Variants in CFAP70 observed in about 807,000 individuals in gnomAD.
CFAP70 encodes the protein cilia and flagella associated protein 70, also known as cilia- and flagella-associated protein 70.
A neutral mutation model predicts 137.6 loss-of-function variants in CFAP70; 81 were observed. The ratio of observed to expected loss-of-function variants is 0.59; its 90% CI spans 0.49 to 0.71. CFAP70 has a LOEUF of 0.71. Ranked by LOEUF, CFAP70 falls within the 30% of genes least tolerant of loss-of-function variation. CFAP70 has a pLI of 0.00. For synonymous variants in CFAP70, 382 were observed against 423.6 expected, an observed-to-expected ratio of 0.90 and a Z score of 1.20; for missense variants, 976 against 1,226.7, an observed-to-expected ratio of 0.80 and a Z score of 3.05.
intron 25 of CFAP70, among the ~76,000 whole-genome samples, chr10:73,266,600 T>C (rs1476694985): frequency 2.0e-5 from 3 of 152,190 alleles, no homozygotes; most frequent in East Asian, 1.9e-4. Context: ...AGTTTAGATT[T>C]TGGGACATGT....
At chr10:73,254,963 TTC>T (rs2044319558) in intron 26 of CFAP70, among the ~76,000 whole-genome samples, 1 of 152,144 alleles carries the variant, frequency 6.6e-6, no homozygotes, top group Non-Finnish European at 1.5e-5. Flanking sequence ...TTACTTGCAA[TTC>T]ATAACTAATA....
intron 25 of CFAP70, among the ~76,000 whole-genome samples, chr10:73,260,278 A>G (rs1376857735): frequency 6.6e-6 from 1 of 152,164 alleles, no homozygotes; most frequent in Non-Finnish European, 1.5e-5. Flanking sequence ...CCTTGAGCCC[A>G]GGATCGTCCC....
chr10:73,304,157 A>G (rs1419538772), intron 12 of CFAP70, among the ~76,000 whole-genome samples: 3 of 152,016 alleles, frequency 2.0e-5, no homozygotes, highest in Admixed American at 2.0e-4. Flanking sequence ...CCTGGGTTCA[A>G]GCAATTCTGC....
At chr10:73,344,438 G>A (rs1022216357) in intron 5 of CFAP70, among the ~76,000 whole-genome samples, 3 of 152,206 alleles carry the variant, frequency 2.0e-5, no homozygotes, top group Non-Finnish European at 4.4e-5. Context: ...GCTGTTCCCC[G>A]GAAGGGTGAT....
chr10:73,348,070 C>G, intron 4 of CFAP70, 86 bp downstream of exon 5: 1 of 1,214,428 alleles, frequency 8.2e-7, no homozygotes, highest in Non-Finnish European at 1.2e-6. Context: ...CAATGCATTA[C>G]ACTCAACTGA....
chr10:73,282,823 TATC>T (rs1277130815), intron 19 of CFAP70, among the ~76,000 whole-genome samples: 6 of 150,610 alleles, frequency 4.0e-5, no homozygotes, highest in Admixed American at 1.3e-4. Context: ...ATTTTCCTGT[TATC>T]TTTTTTTTTT....
intron 9 of CFAP70, among the ~76,000 whole-genome samples, chr10:73,316,503 T>TATATAG (rs2050393129): frequency 7.2e-6 from 1 of 139,796 alleles, no homozygotes; most frequent in Non-Finnish European, 1.5e-5. Context: ...TATATATATA[T>TATATAG]ATATATATAT....
intron 3 of CFAP70, among the ~76,000 whole-genome samples, chr10:73,352,040 C>A (rs1288658982): frequency 6.6e-6 from 1 of 152,220 alleles, no homozygotes; most frequent in Non-Finnish European, 1.5e-5. Flanking sequence ...ACTGATACCA[C>A]AGTGGGTGTG....
intron 6 of CFAP70, among the ~76,000 whole-genome samples, chr10:73,337,120 C>T (rs541269639): frequency 2.0e-5 from 3 of 152,134 alleles, no homozygotes; most frequent in Admixed American, 6.5e-5. Flanking sequence ...TGATGGGGAA[C>T]GAATACATGT....
chr10:73,255,571 GTAAC>G lies in CFAP70; in HGVS notation c.3075+794_3075+797del, dbSNP rs780706591. Among the ~76,000 whole-genome samples the G allele has an allele frequency of 3.2e-4, 48 of 152,246 alleles. 1 individual carries two copies. The highest frequency in any genetic ancestry group is 2.6e-3 in the Admixed American group (40 of 15,292). ...TCTGTCTCAAAATATATATGTATAT[GTAAC>G]TGATAGAACAGACCAGGGGTTGTTC... is the stretch of plus-strand genomic sequence containing the variant. On this transcript the variant is annotated intron_variant, in intron 26 of 26. Transcript: ENST00000310715.
intron 6 of CFAP70, among the ~76,000 whole-genome samples, chr10:73,335,892 A>G (rs1307888302): frequency 6.6e-6 from 1 of 151,416 alleles, no homozygotes; most frequent in Non-Finnish European, 1.5e-5. Flanking sequence ...TGTAATCCCA[A>G]CACTTTAGGA....
At chr10:73,362,458 C>A (rs1269920981), upstream of CFAP70, among the ~76,000 whole-genome samples, 1 of 152,104 alleles carries the variant, frequency 6.6e-6, no homozygotes, top group African/African-American at 2.4e-5. Flanking sequence ...TTTCTTTCAT[C>A]AATGTTTTGT....
intron 25 of CFAP70, among the ~76,000 whole-genome samples, chr10:73,263,385 A>G (rs560816454): frequency 6.6e-6 from 1 of 152,334 alleles, no homozygotes; most frequent in Admixed American, 6.5e-5. Context: ...GCCCAGCCCA[A>G]TAATGTCTTT....
At chr10:73,337,263 T>A (rs2052757750) in intron 6 of CFAP70, among the ~76,000 whole-genome samples, 1 of 151,162 alleles carries the variant, frequency 6.6e-6, no homozygotes, top group Non-Finnish European at 1.5e-5. Context: ...GGTGGATCAC[T>A]TGAGGTCAGG....
At chr10:73,300,899 T>G (rs1394229578) in intron 12 of CFAP70, among the ~76,000 whole-genome samples, 1 of 152,182 alleles carries the variant, frequency 6.6e-6, no homozygotes, top group Non-Finnish European at 1.5e-5. Flanking sequence ...TGAGTGCTTA[T>G]TTTCCATCAG....
intron 7 of CFAP70, among the ~76,000 whole-genome samples, chr10:73,334,292 G>A (rs1438557588): frequency 6.6e-6 from 1 of 152,188 alleles, no homozygotes; most frequent in African/African-American, 2.4e-5. Context: ...TAGCCTTCTT[G>A]CATCTAGAGG....
intron 12 of CFAP70, among the ~76,000 whole-genome samples, chr10:73,301,863 C>T (rs78977552): frequency 0.014 from 2,147 of 152,154 alleles, 63 homozygotes; most frequent in African/African-American, 0.05. Flanking sequence ...CCAATCATCA[C>T]GCTTATGAAC....
chr10:73,284,287 C>T (rs1480417124), intron 19 of CFAP70, among the ~76,000 whole-genome samples: 1 of 151,382 alleles, frequency 6.6e-6, no homozygotes, highest in Non-Finnish European at 1.5e-5. Flanking sequence ...ATCACATTGT[C>T]TTTTTTTTTG....
intron 6 of CFAP70, 151 bp from the exon 8 acceptor site, chr10:73,335,675 C>T (rs760034155): frequency 2.5e-4 from 115 of 458,256 alleles, no homozygotes; most frequent in Non-Finnish European, 4.1e-4. Flanking sequence ...CTACTACCAC[C>T]ACCTTAAAAT....
Sources: allele counts gnomAD v4.1 joint callset (sites outside exome capture counted in the v4.1 genomes callset), GRCh38; gene constraint gnomAD v4.1.1; transcripts MANE v1.5; gene names NCBI Gene and HGNC (gene_info 2026-07-23, HGNC 2026-07-21).